The following ST6GAL1 variants were observed in gnomAD, a reference collection of about 807,000 sequenced individuals.
ST6GAL1 encodes the protein ST6 beta-galactoside alpha-2,6-sialyltransferase 1.
A neutral mutation model predicts 38.0 loss-of-function variants in ST6GAL1; 20 were observed. That is an observed-to-expected ratio of 0.53 (90% CI 0.37 to 0.77). The LOEUF (loss-of-function observed/expected upper bound fraction) is 0.77. Among genes scored for constraint, ST6GAL1 ranks in the 30% least tolerant of loss-of-function variants. The pLI is 0.00. For synonymous variants in ST6GAL1, 196 were observed against 188.2 expected, an observed-to-expected ratio of 1.04 and a Z score of -0.34; for missense variants, 432 against 496.4, an observed-to-expected ratio of 0.87 and a Z score of 1.23.
chr3:186,967,728 C>G (rs1023513858), intron 2 of ST6GAL1, among the ~76,000 whole-genome samples: 2 of 152,204 alleles, frequency 1.3e-5, no homozygotes, highest in Non-Finnish European at 2.9e-5. Context: ...CCTTGGAAGG[C>G]TTGATCGTTA....
intron 2 of ST6GAL1, among the ~76,000 whole-genome samples, chr3:187,022,830 A>G (rs538413167): frequency 1.3e-5 from 2 of 152,318 alleles, no homozygotes; most frequent in South Asian, 4.1e-4. Flanking sequence ...CAGGTTGGAG[A>G]GTAAGCCACA....
chr3:187,047,240 CG>C (rs1470766159), intron 4 of ST6GAL1, among the ~76,000 whole-genome samples: 13 of 147,182 alleles, frequency 8.8e-5, no homozygotes, highest in Non-Finnish European at 1.6e-4. Flanking sequence ...CCACCGCGCC[CG>C]GCCAAGTCAT....
chr3:187,005,269 C>CTTTTTTTTT (rs58085172), intron 2 of ST6GAL1, among the ~76,000 whole-genome samples: 6 of 103,946 alleles, frequency 5.8e-5, no homozygotes, highest in African/African-American at 6.7e-5. Flanking sequence ...TTTTCTTTTT[C>CTTTTTTTTT]TTTTTTTTTT....
chr3:186,945,476 G>C (rs1053503597), intron 1 of ST6GAL1, among the ~76,000 whole-genome samples: 2 of 152,112 alleles, frequency 1.3e-5, no homozygotes, highest in East Asian at 3.9e-4. Flanking sequence ...ACCCACTTGA[G>C]GAAGAAAAAG....
At chr3:186,942,210 G>A (rs1032923127) in intron 1 of ST6GAL1, 2 of 152,186 alleles carry the variant, frequency 1.3e-5, no homozygotes, top group African/African-American at 2.4e-5. Context: ...GTTTTCACCT[G>A]CTCTGAAAAG....
At chr3:186,983,255 TG>T (rs1221818519) in intron 2 of ST6GAL1, among the ~76,000 whole-genome samples, 1 of 152,244 alleles carries the variant, frequency 6.6e-6, no homozygotes, top group Non-Finnish European at 1.5e-5. Flanking sequence ...AATTATTACT[TG>T]GCAGTTGAAA....
chr3:186,941,120 C>T (rs1220741292), intron 1 of ST6GAL1, among the ~76,000 whole-genome samples: 2 of 152,180 alleles, frequency 1.3e-5, no homozygotes, highest in African/African-American at 4.8e-5. Flanking sequence ...TCCTCAGCTT[C>T]AAGTGCAAAC....
chr3:187,021,375 C>G (rs958436406), intron 2 of ST6GAL1, among the ~76,000 whole-genome samples: 4 of 152,228 alleles, frequency 2.6e-5, no homozygotes, highest in African/African-American at 7.2e-5. Flanking sequence ...GAAACAGTCT[C>G]TCTCCTGCCG....
At chr3:186,956,161 C>T (rs946984589) in intron 1 of ST6GAL1, among the ~76,000 whole-genome samples, 7 of 151,988 alleles carry the variant, frequency 4.6e-5, no homozygotes, top group African/African-American at 1.5e-4. Context: ...AGCAGCCGGT[C>T]CCACAGAGTG....
At chr3:187,057,995 A>G (rs1718771545) in intron 5 of ST6GAL1, among the ~76,000 whole-genome samples, 1 of 152,188 alleles carries the variant, frequency 6.6e-6, no homozygotes, top group Admixed American at 6.5e-5. Flanking sequence ...CTCAAGCCTC[A>G]GCAATGGCAG....
At chr3:186,990,276 TGCCC>T (rs1003791753) in intron 2 of ST6GAL1, among the ~76,000 whole-genome samples, 30 of 152,128 alleles carry the variant, frequency 2.0e-4, no homozygotes, top group African/African-American at 7.0e-4. Context: ...TCAAGTGATC[TGCCC>T]GCCTTGGCCT....
intron 2 of ST6GAL1, among the ~76,000 whole-genome samples, chr3:187,016,320 G>A (rs1717113942): frequency 6.6e-6 from 1 of 152,178 alleles, no homozygotes; most frequent in Non-Finnish European, 1.5e-5. Flanking sequence ...GACAGAGAAG[G>A]GATATAATCT....
intron 4 of ST6GAL1, among the ~76,000 whole-genome samples, chr3:187,049,672 T>C (rs190718290): frequency 2.0e-5 from 3 of 152,342 alleles, no homozygotes; most frequent in Admixed American, 1.3e-4. Flanking sequence ...CTTTAAACTC[T>C]ACCCCAACTT....
chr3:187,001,165 G>T (rs957135121), intron 2 of ST6GAL1, among the ~76,000 whole-genome samples: 3 of 152,178 alleles, frequency 2.0e-5, no homozygotes, highest in Non-Finnish European at 4.4e-5. Flanking sequence ...GCACAGAAGC[G>T]AGGTAGAACT....
At chr3:187,042,614 T>C in intron 3 of ST6GAL1, 40 bp from the exon 4 acceptor site, 1 of 1,517,464 alleles carries the variant, frequency 6.6e-7, no homozygotes, top group Non-Finnish European at 8.8e-7. Flanking sequence ...ATTGGGTTTT[T>C]CTTTACATCA....
At position 187,042,892 on chromosome 3, in the gene ST6GAL1, A is replaced by G; in HGVS notation, c.189A>G (p.Val63=). The G allele has an allele frequency of 3.7e-6, 6 of 1,614,170 alleles. No homozygotes were observed. The highest frequency in any genetic ancestry group is 4.2e-6 in the Non-Finnish European group (5 of 1,180,018). Residue 63 remains valine, a synonymous_variant, in exon 4 of 8, where the codon GTA becomes GTG. Coordinates refer to ENST00000169298, the MANE Select transcript of ST6GAL1 (RefSeq NM_173216.2). ...CCATGGGGTCTGATTCCCAGTCTGT[A>G]TCCTCAAGCAGCACCCAGGACCCCC... ...KLAMGSDSQS[V]SSSSTQDPHR...
chr3:186,991,135 T>C (rs1423346837), intron 2 of ST6GAL1, among the ~76,000 whole-genome samples: 1 of 152,206 alleles, frequency 6.6e-6, no homozygotes, highest in Non-Finnish European at 1.5e-5. Context: ...GCTAGTTGCC[T>C]TCTTTTGGAC....
At chr3:186,954,353 G>A (rs965293118) in intron 1 of ST6GAL1, among the ~76,000 whole-genome samples, 1 of 152,134 alleles carries the variant, frequency 6.6e-6, no homozygotes, top group African/African-American at 2.4e-5. Flanking sequence ...ACTCAGTAAT[G>A]GGATTGCTGG....
At chr3:187,000,307 T>A (rs1006765959) in intron 2 of ST6GAL1, among the ~76,000 whole-genome samples, 5 of 151,438 alleles carry the variant, frequency 3.3e-5, no homozygotes, top group African/African-American at 1.2e-4. Context: ...CTCAGCACTT[T>A]GGGAGGCTGA....
Sources: allele counts gnomAD v4.1 joint callset (sites outside exome capture counted in the v4.1 genomes callset), GRCh38; gene constraint gnomAD v4.1.1; transcripts MANE v1.5; gene names NCBI Gene and HGNC (gene_info 2026-07-23, HGNC 2026-07-21).